Variants in HMBOX1 observed in about 807,000 individuals in gnomAD.
HMBOX1 encodes homeobox-containing protein 1.
Under a neutral mutation model 54.5 loss-of-function variants are expected in HMBOX1, and 14 were observed. The observed-to-expected ratio is 0.26, with a 90% CI of 0.17 to 0.40. HMBOX1 has a LOEUF of 0.40. Among genes scored for constraint, HMBOX1 ranks in the 10% least tolerant of loss-of-function variants. The probability of loss-of-function intolerance (pLI) is 1.00; values close to 1 mark genes in which losing one functional copy is unlikely to be tolerated. For missense variants in HMBOX1, 332 were observed against 514.4 expected (o/e 0.65, Z 3.43); for synonymous variants, 160 against 181.0 (o/e 0.88, Z 0.93).
chr8:28,918,879 A>C (rs1445964338), intron 1 of HMBOX1, among the ~76,000 whole-genome samples: 2 of 152,234 alleles, frequency 1.3e-5, no homozygotes, highest in Non-Finnish European at 2.9e-5. Context: ...ACCTGTATTC[A>C]GTGTGTAAAG....
At chr8:28,915,374 G>A (rs932057551) in intron 1 of HMBOX1, among the ~76,000 whole-genome samples, 6 of 151,860 alleles carry the variant, frequency 4.0e-5, no homozygotes, top group African/African-American at 1.4e-4. Context: ...TGGCTAACAT[G>A]GTGAAACCCC....
At chr8:28,989,861 A>T (rs1461676542) in intron 4 of HMBOX1, among the ~76,000 whole-genome samples, 4 of 152,100 alleles carry the variant, frequency 2.6e-5, no homozygotes, top group African/African-American at 9.7e-5. Context: ...CCACTTGTTT[A>T]GGTCTTTTTT....
intron 1 of HMBOX1, among the ~76,000 whole-genome samples, chr8:28,944,673 C>T (rs946293772): frequency 3.3e-5 from 5 of 152,142 alleles, no homozygotes; most frequent in African/African-American, 1.2e-4. Flanking sequence ...ACAGTTGTCA[C>T]TAATCATTTT....
In HMBOX1 at chr8:29,011,223, A is replaced by G. The variant is rs371127853; in HGVS notation, c.697+2041A>G. 4.4e-3 allele frequency among the ~76,000 whole-genome samples: 676 copies of G among 152,350 alleles called. 4 individuals are homozygous for G. The highest frequency in any genetic ancestry group is 0.015 in the African/African-American group (633 of 41,576). On this transcript the variant is annotated intron_variant, in intron 5 of 9. Coordinates refer to ENST00000287701, the MANE Select transcript of HMBOX1 (RefSeq NM_001135726.3). Reference sequence around the variant, plus strand: ...TTGTATGTTTGAAAATTTTTGCAATAAAACACTGGAGAAAAATACTTTGTA... The same window carrying G: ...TTGTATGTTTGAAAATTTTTGCAATGAAACACTGGAGAAAAATACTTTGTA...
chr8:28,907,133 A>G (rs1814496049), intron 1 of HMBOX1, among the ~76,000 whole-genome samples: 2 of 152,234 alleles, frequency 1.3e-5, no homozygotes, highest in Admixed American at 1.3e-4. Context: ...TATAGGGTTC[A>G]TTTTAGAAGA....
At chr8:28,981,196 A>T (rs910703536) in intron 4 of HMBOX1, among the ~76,000 whole-genome samples, 24 of 152,330 alleles carry the variant, frequency 1.6e-4, no homozygotes, top group African/African-American at 5.8e-4. Context: ...CCAAGTATCT[A>T]AGGTCAGCCA....
At chr8:28,961,405 GTC>G (rs1825568316) in intron 1 of HMBOX1, among the ~76,000 whole-genome samples, 1 of 151,888 alleles carries the variant, frequency 6.6e-6, no homozygotes, top group Non-Finnish European at 1.5e-5. Flanking sequence ...GCTACTTTCT[GTC>G]TCTGTGAATT....
At chr8:28,897,628 G>A (rs4394345) in intron 1 of HMBOX1, among the ~76,000 whole-genome samples, 133,957 of 152,208 alleles carry the variant, frequency 0.88, 58,993 homozygotes, top group East Asian at 0.95. Context: ...GTGAGCCAAG[G>A]TGGCGCCACT....
At chr8:29,030,632 C>T (rs768004568) in intron 6 of HMBOX1, among the ~76,000 whole-genome samples, 10 of 152,072 alleles carry the variant, frequency 6.6e-5, no homozygotes, top group Non-Finnish European at 1.3e-4. Flanking sequence ...CCTGTTTTTG[C>T]GTAGAGCCTT....
chr8:28,895,237 G>GTA (rs1240486146), intron 1 of HMBOX1, among the ~76,000 whole-genome samples: 1 of 152,196 alleles, frequency 6.6e-6, no homozygotes, highest in Admixed American at 6.5e-5. Context: ...CCTCATTACT[G>GTA]TATACGTATT....
chr8:28,931,560 G>T (rs1344443850), intron 1 of HMBOX1, among the ~76,000 whole-genome samples: 11 of 152,010 alleles, frequency 7.2e-5, no homozygotes, highest in Non-Finnish European at 1.5e-4. Flanking sequence ...GTTGTTTTCT[G>T]AGACAGGATC....
At chr8:29,015,171 G>T (rs939676865) in intron 5 of HMBOX1, among the ~76,000 whole-genome samples, 3 of 151,944 alleles carry the variant, frequency 2.0e-5, no homozygotes, top group Admixed American at 6.6e-5. Context: ...CCAATACCAA[G>T]AAAGAACCAT....
intron 1 of HMBOX1, among the ~76,000 whole-genome samples, chr8:28,945,454 A>G (rs1822258781): frequency 1.3e-5 from 2 of 152,252 alleles, no homozygotes; most frequent in African/African-American, 2.4e-5. Flanking sequence ...TTAACTATGT[A>G]TAACAAGAAT....
rs1433645699 is a variant in HMBOX1 at position 29,053,051 on chromosome 8, G to A, written c.*1896G>A. ...GATACTGAATATCCGCCAGTTTGTA[G>A]TTGGTTTCCTTCCACTTAAGGCACA... On this transcript the variant is annotated 3_prime_UTR_variant, in exon 10 of 10. Coordinates refer to ENST00000287701, the MANE Select transcript of HMBOX1 (RefSeq NM_001135726.3). 2 of 152,614 alleles carry A rather than the reference G, an allele frequency of 1.3e-5. No homozygotes were observed. The highest frequency in any genetic ancestry group is 6.5e-5 in the Admixed American group (1 of 15,284). 9.5% of individuals were successfully genotyped at this position (152,614 alleles called of 1,614,324 possible).
In HMBOX1 at chr8:28,973,815, T is replaced by G. The variant is rs1156828355; in HGVS notation, c.500+3296T>G. Among the ~76,000 whole-genome samples the G allele has an allele frequency of 1.3e-4, 6 of 45,348 alleles. 1 individual carries two copies. The highest frequency in any genetic ancestry group is 7.0e-4 in the East Asian group (2 of 2,844). 29.8% of individuals were successfully genotyped at this position (45,348 alleles called of 152,430 possible). On this transcript the variant is annotated intron_variant, in intron 3 of 9. Coordinates refer to ENST00000287701, the MANE Select transcript of HMBOX1 (RefSeq NM_001135726.3). ...GATACATAATGGAGTTTTTTTTTTT[T>G]TTTTTTTTTTTTTTTTTTTGAGACA...
At chr8:28,974,937 T>C (rs1426154620) in intron 3 of HMBOX1, among the ~76,000 whole-genome samples, 1 of 152,204 alleles carries the variant, frequency 6.6e-6, no homozygotes, top group Non-Finnish European at 1.5e-5. Flanking sequence ...TTAAAGCATA[T>C]CATTTTTAAA....
intron 1 of HMBOX1, among the ~76,000 whole-genome samples, chr8:28,922,573 T>C (rs908347570): frequency 3.9e-5 from 6 of 152,230 alleles, no homozygotes; most frequent in Admixed American, 6.5e-5. Context: ...CTGGGTACCG[T>C]TGAAATCTAA....
intron 6 of HMBOX1, among the ~76,000 whole-genome samples, chr8:29,041,808 A>C (rs1804863079): frequency 6.6e-6 from 1 of 152,052 alleles, no homozygotes; most frequent in South Asian, 2.1e-4. Flanking sequence ...ATAAAGATGT[A>C]GAGGTTGTTT....
At chr8:29,043,138 T>C (rs1196300322) in intron 6 of HMBOX1, among the ~76,000 whole-genome samples, 1 of 152,210 alleles carries the variant, frequency 6.6e-6, no homozygotes, top group Non-Finnish European at 1.5e-5. Flanking sequence ...CTTCACAAGC[T>C]GGCCCCATCC....
Sources: allele counts gnomAD v4.1 joint callset (sites outside exome capture counted in the v4.1 genomes callset), GRCh38; gene constraint gnomAD v4.1.1; transcripts MANE v1.5; gene names NCBI Gene and HGNC (gene_info 2026-07-23, HGNC 2026-07-21).